SAMD5: variants seen among roughly 807,000 people sequenced by gnomAD.
SAMD5 encodes sterile alpha motif domain containing 5.
Under a neutral mutation model 11.3 loss-of-function variants are expected in SAMD5, and 13 were observed. That is an observed-to-expected ratio of 1.15 (90% confidence interval 0.75 to 1.83). The LOEUF is 1.83. SAMD5 is among the 40% of genes most tolerant of loss of function. The pLI is 0.00. For synonymous variants in SAMD5, 129 were observed against 111.3 expected (o/e 1.16, Z -1.00); for missense variants, 255 against 239.1 (o/e 1.07, Z -0.44).
At chr6:147,934,582 G>A in the SAMD5 span, among the ~76,000 whole-genome samples, 1 of 152,080 alleles carries the variant, frequency 6.6e-6, no homozygotes, top group Non-Finnish European at 1.5e-5. Context: ...ACGTGGTGGG[G>A]AGTGCAGGGG....
intron 1 of SAMD5, among the ~76,000 whole-genome samples, chr6:147,641,180 T>C (rs1790306907): frequency 6.6e-6 from 1 of 152,200 alleles, no homozygotes; most frequent in Non-Finnish European, 1.5e-5. Flanking sequence ...GAGAGCCTCC[T>C]GAAATGCCCA....
At chr6:147,859,750 T>TTTTG in the SAMD5 span, among the ~76,000 whole-genome samples, 4 of 152,044 alleles carry the variant, frequency 2.6e-5, no homozygotes, top group African/African-American at 4.8e-5. Flanking sequence ...TTTTTGGGTT[T>TTTTG]TTTGTTTGTT....
intron 1 of SAMD5, among the ~76,000 whole-genome samples, chr6:147,545,242 A>G (rs945765385): frequency 5.9e-5 from 9 of 152,348 alleles, no homozygotes; most frequent in African/African-American, 2.2e-4. Context: ...TTTATTCTTT[A>G]ATAGATAATA....
the SAMD5 span, among the ~76,000 whole-genome samples, chr6:147,942,969 A>G: frequency 1.3e-5 from 2 of 152,084 alleles, no homozygotes; most frequent in African/African-American, 2.4e-5. Context: ...GCACGCCACC[A>G]TGCCTGGCTA....
downstream of SAMD5, chr6:147,741,889 A>G (rs1791884315): frequency 6.6e-6 from 1 of 152,214 alleles, no homozygotes; most frequent in Non-Finnish European, 1.5e-5. Flanking sequence ...AAGAACCTTG[A>G]ATATATGGAA....
intron 1 of SAMD5, among the ~76,000 whole-genome samples, chr6:147,709,819 C>G (rs1280026294): frequency 6.6e-6 from 1 of 152,168 alleles, no homozygotes; most frequent in Non-Finnish European, 1.5e-5. Flanking sequence ...TGGTACCCAT[C>G]ATCTTTTCTC....
intron 1 of SAMD5, among the ~76,000 whole-genome samples, chr6:147,530,082 A>AT (rs1212054202): frequency 6.6e-6 from 1 of 152,104 alleles, no homozygotes; most frequent in African/African-American, 2.4e-5. Context: ...TATGGGGACG[A>AT]TTTTTTCCCC....
chr6:147,931,184 G>A, the SAMD5 span, among the ~76,000 whole-genome samples: 1 of 152,172 alleles, frequency 6.6e-6, no homozygotes, highest in Admixed American at 6.6e-5. Context: ...AGTTTTCTTT[G>A]TGAGATAAAG....
chr6:147,544,831 A>G (rs539859956), intron 1 of SAMD5, among the ~76,000 whole-genome samples: 14 of 152,364 alleles, frequency 9.2e-5, no homozygotes, highest in African/African-American at 2.9e-4. Flanking sequence ...CAAATTTGGC[A>G]GTGTAAAATG....
At chr6:147,912,530 T>C in the SAMD5 span, among the ~76,000 whole-genome samples, 1 of 152,240 alleles carries the variant, frequency 6.6e-6, no homozygotes, top group Non-Finnish European at 1.5e-5. Context: ...TTTCTAGCTA[T>C]CTAGGCATTA....
At chr6:147,555,622 G>A (rs967289734) in intron 1 of SAMD5, among the ~76,000 whole-genome samples, 52 of 152,162 alleles carry the variant, frequency 3.4e-4, no homozygotes, top group Admixed American at 2.7e-3. Context: ...GAAGATCTGC[G>A]TAATTCAGAA....
the SAMD5 span, among the ~76,000 whole-genome samples, chr6:147,819,450 TA>T: frequency 1.3e-5 from 2 of 152,074 alleles, no homozygotes; most frequent in African/African-American, 4.8e-5. Context: ...AAATAAAAGT[TA>T]AAAAACACAA....
At chr6:147,891,092 C>A in the SAMD5 span, among the ~76,000 whole-genome samples, 3 of 152,066 alleles carry the variant, frequency 2.0e-5, no homozygotes, top group African/African-American at 7.2e-5. Context: ...TCAAAATAAC[C>A]TTACATAAGA....
At chr6:147,525,568 T>C (rs1788324796) in intron 1 of SAMD5, among the ~76,000 whole-genome samples, 2 of 152,032 alleles carry the variant, frequency 1.3e-5, no homozygotes, top group Admixed American at 1.3e-4. Context: ...TTCCCGCTTG[T>C]GACTTGGCAT....
At chr6:147,768,422 C>T in the SAMD5 span, among the ~76,000 whole-genome samples, 8 of 152,108 alleles carry the variant, frequency 5.3e-5, no homozygotes, top group East Asian at 1.9e-4. Context: ...CACTTGAACC[C>T]GGGAGGCGGA....
At chr6:147,896,738 C>CAAAAAAAA in the SAMD5 span, among the ~76,000 whole-genome samples, 8 of 55,318 alleles carry the variant, frequency 1.4e-4, no homozygotes, top group East Asian at 5.7e-4. Flanking sequence ...GAACATTAAC[C>CAAAAAAAA]AAAAAAAAAA....
chr6:147,670,523 C>T (rs1790780410), intron 1 of SAMD5, among the ~76,000 whole-genome samples: 1 of 152,232 alleles, frequency 6.6e-6, no homozygotes, highest in East Asian at 1.9e-4. Flanking sequence ...AGTTTAGCTG[C>T]TTTCACCCAT....
At chr6:147,760,180 G>C in the SAMD5 span, among the ~76,000 whole-genome samples, 1 of 152,056 alleles carries the variant, frequency 6.6e-6, no homozygotes, top group Non-Finnish European at 1.5e-5. Flanking sequence ...GCTTATCTTT[G>C]CTTCATAACC....
chr6:147,514,300 A>T (rs1033569021), intron 1 of SAMD5, among the ~76,000 whole-genome samples: 1 of 152,022 alleles, frequency 6.6e-6, no homozygotes, highest in African/African-American at 2.4e-5. Context: ...GTGTTACACC[A>T]AAGAGCTCTC....
Sources: allele counts gnomAD v4.1 joint callset (sites outside exome capture counted in the v4.1 genomes callset), GRCh38; gene constraint gnomAD v4.1.1; transcripts MANE v1.5; gene names NCBI Gene and HGNC (gene_info 2026-07-23, HGNC 2026-07-21).